The following RALYL variants were observed in gnomAD, a reference collection of about 807,000 sequenced individuals.
RALYL encodes RALY RNA binding protein like.
In RALYL, 29 loss-of-function variants were observed where a neutral mutation model predicts 35.1. That is an observed-to-expected ratio of 0.83 (90% CI 0.61 to 1.13). The LOEUF is 1.13. RALYL is among the 50% of genes most tolerant of loss of function. The pLI, the probability that RALYL is intolerant of heterozygous loss-of-function variation, is 0.00. For synonymous variants in RALYL, 120 were observed against 127.6 expected, an observed-to-expected ratio of 0.94 and a Z score of 0.40; for missense variants, 359 against 360.4, an observed-to-expected ratio of 1.00 and a Z score of 0.03.
chr8:84,644,238 A>T (rs1237244479), intron 2 of RALYL, among the ~76,000 whole-genome samples: 1 of 152,066 alleles, frequency 6.6e-6, no homozygotes, highest in East Asian at 1.9e-4. Flanking sequence ...AAGTTTTAAA[A>T]TGCACTTTTA....
chr8:84,400,640 G>A (rs919200839), intron 1 of RALYL, among the ~76,000 whole-genome samples: 2 of 152,176 alleles, frequency 1.3e-5, no homozygotes, highest in African/African-American at 4.8e-5. Flanking sequence ...GATTGTGCCA[G>A]CCATAGTGTA....
At chr8:84,307,955 T>A (rs1231696465) in intron 1 of RALYL, among the ~76,000 whole-genome samples, 1 of 151,832 alleles carries the variant, frequency 6.6e-6, no homozygotes, top group African/African-American at 2.4e-5. Context: ...GTAAAGCAAG[T>A]TAGTTTCCTA....
chr8:84,621,616 C>T (rs1821511099), intron 2 of RALYL, among the ~76,000 whole-genome samples: 3 of 152,296 alleles, frequency 2.0e-5, no homozygotes, highest in Admixed American at 1.3e-4. Context: ...CATCTTGGCT[C>T]CTCCCCCGAC....
chr8:84,234,166 A>C (rs1467840721), intron 1 of RALYL, among the ~76,000 whole-genome samples: 1 of 152,220 alleles, frequency 6.6e-6, no homozygotes, highest in Admixed American at 6.5e-5. Flanking sequence ...TTTGGAAAAA[A>C]ATCCAGAGTT....
At chr8:84,185,361 G>A (rs1812255292) in intron 1 of RALYL, 1 of 277,282 alleles carries the variant, frequency 3.6e-6, no homozygotes, top group Non-Finnish European at 6.9e-6. Context: ...TGAGGGGTTG[G>A]TGATAGAGGT....
intron 1 of RALYL, among the ~76,000 whole-genome samples, chr8:84,509,696 AGGGTG>A (rs1348387047): frequency 5.3e-5 from 8 of 152,120 alleles, no homozygotes; most frequent in African/African-American, 1.9e-4. Context: ...ATTTTTATAA[AGGGTG>A]TAAAGTGTTT....
chr8:84,328,494 T>C (rs1310939678), intron 1 of RALYL, among the ~76,000 whole-genome samples: 1 of 152,250 alleles, frequency 6.6e-6, no homozygotes, highest in African/African-American at 2.4e-5. Context: ...TAGAGTGTTA[T>C]ATTTGTAGAT....
intron 8 of RALYL, among the ~76,000 whole-genome samples, chr8:84,912,294 CCCT>C (rs1385143430): frequency 6.6e-6 from 1 of 152,032 alleles, no homozygotes; most frequent in Non-Finnish European, 1.5e-5. Flanking sequence ...GCTCCTATCA[CCCT>C]TATCATTTAG....
intron 6 of RALYL, among the ~76,000 whole-genome samples, chr8:84,866,074 G>C (rs1839125412): frequency 6.6e-6 from 1 of 152,166 alleles, no homozygotes; most frequent in South Asian, 2.1e-4. Context: ...CCTAGGCAAA[G>C]TATATTCTGC....
chr8:84,184,895 G>T, intron 1 of RALYL: 1 of 1,403,646 alleles, frequency 7.1e-7, no homozygotes, highest in Non-Finnish European at 1.0e-6. Context: ...GCATATTCCG[G>T]AGGGGCTGGC....
intron 2 of RALYL, among the ~76,000 whole-genome samples, chr8:84,747,439 A>G (rs956405706): frequency 6.6e-6 from 1 of 151,908 alleles, no homozygotes; most frequent in Non-Finnish European, 1.5e-5. Context: ...TAATTTTAAG[A>G]GATTGAATTT....
At chr8:84,730,813 G>A (rs138286548) in intron 2 of RALYL, among the ~76,000 whole-genome samples, 13 of 152,150 alleles carry the variant, frequency 8.5e-5, no homozygotes, top group African/African-American at 2.4e-4. Flanking sequence ...CAATGACACC[G>A]TTCATCATGG....
rs1304157723 is a variant in RALYL at position 84,310,772 on chromosome 8, G to C, written c.-24+126348G>C. Among the ~76,000 whole-genome samples, 5 of 138,172 alleles carry C rather than the reference G, an allele frequency of 3.6e-5. 1 individual carries two copies. The highest frequency in any genetic ancestry group is 1.4e-4 in the African/African-American group (5 of 34,824). 90.6% of individuals were successfully genotyped at this position (138,172 alleles called of 152,430 possible). A position where few individuals can be genotyped will look rare whatever the true frequency, so the allele number is the denominator to read the frequency against. On this transcript the variant is annotated intron_variant, in intron 1 of 8. Transcript: ENST00000521268. ...ATGATTAAAATGTATATTAGGCCGG[G>C]TGCGGTGGCTCACGCCTGTAATCCC... is the stretch of plus-strand genomic sequence containing the variant.
chr8:84,705,119 G>A (rs540930515), intron 2 of RALYL, among the ~76,000 whole-genome samples: 1 of 152,254 alleles, frequency 6.6e-6, no homozygotes, highest in African/African-American at 2.4e-5. Context: ...GTGTTTGGGA[G>A]AGGCAGTGTT....
chr8:84,420,004 A>G (rs921527438), intron 1 of RALYL, among the ~76,000 whole-genome samples: 1 of 150,804 alleles, frequency 6.6e-6, no homozygotes, highest in Non-Finnish European at 1.5e-5. Context: ...CGCAATAAAC[A>G]TACGTGTGCA....
At chr8:84,466,211 G>C (rs2051602602) in intron 1 of RALYL, among the ~76,000 whole-genome samples, 1 of 139,010 alleles carries the variant, frequency 7.2e-6, no homozygotes, top group South Asian at 2.4e-4. Flanking sequence ...GGGCATCCCT[G>C]TCTTGTGCCA....
intron 2 of RALYL, among the ~76,000 whole-genome samples, chr8:84,766,723 A>G (rs1262241747): frequency 6.9e-6 from 1 of 145,094 alleles, no homozygotes; most frequent in Non-Finnish European, 1.5e-5. Flanking sequence ...ACTGTCTCAA[A>G]AAAAAAAAAA....
intron 2 of RALYL, among the ~76,000 whole-genome samples, chr8:84,539,852 ATGTATATATATATATATATATATATG>A (rs1265307431): frequency 7.3e-5 from 1 of 13,632 alleles, no homozygotes; most frequent in African/African-American, 1.3e-4. Flanking sequence ...ATATATATAT[ATGTATATATATATATATATATATATG>A]TATATATATG....
intron 1 of RALYL, among the ~76,000 whole-genome samples, chr8:84,437,518 G>A (rs955672756): frequency 6.6e-6 from 1 of 152,118 alleles, no homozygotes; most frequent in Non-Finnish European, 1.5e-5. Flanking sequence ...ACCAGCATCT[G>A]TTGTTTTTTG....
Sources: gnomAD v4.1 joint callset for allele counts (sites outside exome capture counted in the v4.1 genomes callset) on GRCh38, gnomAD v4.1.1 for gene constraint, MANE v1.5 for transcripts, NCBI Gene and HGNC (gene_info 2026-07-23, HGNC 2026-07-21) for gene names.